NLGN1: variants seen among roughly 807,000 people sequenced by gnomAD.
The protein encoded by NLGN1 is neuroligin-1.
A neutral mutation model predicts 65.5 loss-of-function variants in NLGN1; 12 were observed. The observed-to-expected ratio is 0.18, with a 90% CI of 0.12 to 0.30. The LOEUF (loss-of-function observed/expected upper bound fraction) is 0.30, where lower values mean the gene tolerates loss of function less well. NLGN1 is among the 10% of genes least tolerant of loss of function. The pLI is 1.00. For synonymous variants in NLGN1, 350 were observed against 359.5 expected (o/e 0.97, Z 0.30); for missense variants, 750 against 1,007.1 (o/e 0.74, Z 3.46).
intron 4 of NLGN1, among the ~76,000 whole-genome samples, chr3:174,233,099 G>A (rs1741022815): frequency 6.6e-6 from 1 of 152,162 alleles, no homozygotes; most frequent in African/African-American, 2.4e-5. Flanking sequence ...GTGCTCTGGG[G>A]TGGCAGCAAG....
chr3:173,559,842 C>T (rs1008921634), intron 2 of NLGN1, among the ~76,000 whole-genome samples: 1 of 151,454 alleles, frequency 6.6e-6, no homozygotes, highest in Non-Finnish European at 1.5e-5. Context: ...TGCATATAAA[C>T]GATTTTCTGT....
intron 4 of NLGN1, among the ~76,000 whole-genome samples, chr3:174,158,570 C>T (rs954395608): frequency 6.6e-6 from 1 of 151,622 alleles, no homozygotes; most frequent in Non-Finnish European, 1.5e-5. Flanking sequence ...GTTATAAATG[C>T]AGAATCTCAG....
the NLGN1 span, among the ~76,000 whole-genome samples, chr3:174,293,377 A>G: frequency 6.6e-6 from 1 of 151,602 alleles, no homozygotes; most frequent in East Asian, 1.9e-4. Context: ...TTGTAATAAA[A>G]TTAATAATAC....
At chr3:174,273,020 A>G (rs1018821447) in intron 4 of NLGN1, among the ~76,000 whole-genome samples, 12 of 150,218 alleles carry the variant, frequency 8.0e-5, no homozygotes, top group Non-Finnish European at 1.8e-4. Flanking sequence ...TTTTTACAGC[A>G]CTGTTGTTAT....
At chr3:173,516,146 G>C (rs1369289051) in intron 2 of NLGN1, among the ~76,000 whole-genome samples, 1 of 151,974 alleles carries the variant, frequency 6.6e-6, no homozygotes, top group Non-Finnish European at 1.5e-5. Flanking sequence ...AAAATATGCT[G>C]ATGAGGAAAT....
At chr3:173,628,242 T>A (rs761128581) in intron 3 of NLGN1, among the ~76,000 whole-genome samples, 1 of 152,154 alleles carries the variant, frequency 6.6e-6, no homozygotes, top group Non-Finnish European at 1.5e-5. Context: ...TTTATAGGTA[T>A]GAGAATGTCA....
At chr3:173,687,133 G>T (rs992599833) in intron 3 of NLGN1, among the ~76,000 whole-genome samples, 1 of 152,248 alleles carries the variant, frequency 6.6e-6, no homozygotes, top group Admixed American at 6.5e-5. Flanking sequence ...TGGAATCCAC[G>T]ATCAGGTTGT....
chr3:173,743,498 T>C (rs1774944118), intron 3 of NLGN1, among the ~76,000 whole-genome samples: 1 of 152,176 alleles, frequency 6.6e-6, no homozygotes, highest in African/African-American at 2.4e-5. Context: ...CTATCTAATA[T>C]ATCACAGCAT....
At chr3:173,641,234 T>C (rs933185186) in intron 3 of NLGN1, among the ~76,000 whole-genome samples, 3 of 152,184 alleles carry the variant, frequency 2.0e-5, no homozygotes, top group African/African-American at 7.2e-5. Flanking sequence ...TTTCTTATAC[T>C]CTAATATCTA....
At chr3:173,451,936 G>A (rs367694518) in intron 2 of NLGN1, among the ~76,000 whole-genome samples, 20 of 152,292 alleles carry the variant, frequency 1.3e-4, no homozygotes, top group African/African-American at 4.6e-4. Flanking sequence ...GGAGTGACCC[G>A]ATTTTCCAAG....
At chr3:174,282,541 C>G (rs1751659725) in exon 7 of NLGN1, 1 of 152,138 alleles carries the variant, frequency 6.6e-6, no homozygotes, top group Non-Finnish European at 1.5e-5. Context: ...AACGTAGATA[C>G]AGAACCTAGG....
chr3:173,540,552 A>T (rs1191539765), intron 2 of NLGN1, among the ~76,000 whole-genome samples: 2 of 152,196 alleles, frequency 1.3e-5, no homozygotes, highest in African/African-American at 4.8e-5. Flanking sequence ...TGGAAGTGAC[A>T]CATGTCATTT....
chr3:174,275,677 C>A, intron 5 of NLGN1, 150 bp downstream of exon 5: 1 of 616,682 alleles, frequency 1.6e-6, no homozygotes, highest in East Asian at 2.7e-5. Context: ...TTTTTCTGTG[C>A]ATGTTTAAAT....
chr3:173,616,356 G>C (rs1276829679), intron 3 of NLGN1, among the ~76,000 whole-genome samples: 1 of 151,982 alleles, frequency 6.6e-6, no homozygotes, highest in African/African-American at 2.4e-5. Context: ...AATCTGATCT[G>C]TCACCCACAC....
intron 1 of NLGN1, among the ~76,000 whole-genome samples, chr3:173,431,626 A>G (rs1446077954): frequency 3.3e-5 from 5 of 152,134 alleles, no homozygotes; most frequent in African/African-American, 1.2e-4. Flanking sequence ...GATTTCCCAT[A>G]TATGCCCTGC....
chr3:173,707,430 G>A (rs753645350), intron 3 of NLGN1, among the ~76,000 whole-genome samples: 4 of 152,068 alleles, frequency 2.6e-5, no homozygotes, highest in African/African-American at 9.7e-5. Context: ...TAAGTGTATC[G>A]CAAGTAGTAA....
chr3:173,732,792 A>G lies in NLGN1; in HGVS notation c.494-74888A>G, dbSNP rs1226028047. 2.0e-5 allele frequency among the ~76,000 whole-genome samples: 3 copies of G among 152,102 alleles called. No homozygotes were observed. The South Asian group carries it at 6.2e-4, about 31-fold the overall frequency. On this transcript the variant is annotated intron_variant, in intron 3 of 6. Coordinates refer to ENST00000457714, the Ensembl canonical transcript of NLGN1. ...ATTTCTACAAGCCTCTTCATTTGAT[A>G]GTGACTTTTATTAGTAGATGTTTAT...
At chr3:173,975,814 GTTA>G (rs1717311043) in intron 4 of NLGN1, among the ~76,000 whole-genome samples, 1 of 151,788 alleles carries the variant, frequency 6.6e-6, no homozygotes, top group African/African-American at 2.4e-5. Flanking sequence ...TTATGTTCCT[GTTA>G]TTATATGATT....
chr3:173,452,008 G>A (rs962403533), intron 2 of NLGN1, among the ~76,000 whole-genome samples: 2 of 152,168 alleles, frequency 1.3e-5, no homozygotes, highest in South Asian at 2.1e-4. Flanking sequence ...TGTGCTTCCC[G>A]GGTGAGGCGA....
Sources: gnomAD v4.1 joint callset for allele counts (sites outside exome capture counted in the v4.1 genomes callset) on GRCh38, gnomAD v4.1.1 for gene constraint, MANE v1.5 for transcripts, NCBI Gene and HGNC (gene_info 2026-07-23, HGNC 2026-07-21) for gene names.